NRG3: variants seen among roughly 807,000 people sequenced by gnomAD.
NRG3 encodes pro-neuregulin-3, membrane-bound isoform.
A neutral mutation model predicts 66.9 loss-of-function variants in NRG3; 31 were observed. The ratio of observed to expected loss-of-function variants is 0.46; its 90% CI spans 0.35 to 0.63. NRG3 has a LOEUF of 0.63. Among genes scored for constraint, NRG3 ranks in the 20% least tolerant of loss-of-function variants. NRG3 has a pLI of 0.00. For missense variants in NRG3, 910 were observed against 878.9 expected (o/e 1.04, Z -0.45); for synonymous variants, 393 against 359.4 (o/e 1.09, Z -1.06).
Position 82,946,210 on chromosome 10 carries a change from T to G in NRG3, c.1055-5259T>G, listed in dbSNP as rs1234709886. Among the ~76,000 whole-genome samples the G allele has an allele frequency of 2.0e-5, 3 of 147,684 alleles. No individual in the cohort carries two copies. The East Asian group carries it at 6.0e-4, about 29-fold the overall frequency. On this transcript the variant is annotated intron_variant, in intron 4 of 8. Transcript: ENST00000372141. Reference sequence around the variant, plus strand: ...GAACTAGTGACATTTAATTTGAGATTTAAAAAAAAAAAAAAAAAGTGGAGT... The same window carrying G: ...GAACTAGTGACATTTAATTTGAGATGTAAAAAAAAAAAAAAAAAGTGGAGT...
chr10:82,104,807 A>G (rs570356155), intron 1 of NRG3, among the ~76,000 whole-genome samples: 1 of 152,356 alleles, frequency 6.6e-6, no homozygotes, highest in Admixed American at 6.5e-5. Flanking sequence ...ATGTAAATTT[A>G]TACACATGTA....
At chr10:82,493,108 G>T (rs77523423) in intron 2 of NRG3, among the ~76,000 whole-genome samples, 10 of 145,990 alleles carry the variant, frequency 6.8e-5, no homozygotes, top group Admixed American at 1.4e-4. Context: ...GTTCAGGTTT[G>T]TTTTTTTTTT....
At chr10:82,122,040 A>G (rs544572943) in intron 1 of NRG3, among the ~76,000 whole-genome samples, 14 of 152,116 alleles carry the variant, frequency 9.2e-5, no homozygotes, top group Non-Finnish European at 2.1e-4. Flanking sequence ...TGAGTAAGTC[A>G]TTCTCAAGGT....
chr10:82,942,934 A>C (rs776521599), intron 4 of NRG3, among the ~76,000 whole-genome samples: 2 of 152,154 alleles, frequency 1.3e-5, no homozygotes, highest in Non-Finnish European at 2.9e-5. Context: ...TGAGAAATAT[A>C]GTTACCAAGA....
chr10:82,150,530 C>CAAAAAAAA (rs1188955647), intron 1 of NRG3, among the ~76,000 whole-genome samples: 1 of 26,680 alleles, frequency 3.7e-5, no homozygotes, highest in Non-Finnish European at 7.4e-5. Context: ...AGAGCACACA[C>CAAAAAAAA]AAAAAAAAAA....
At chr10:82,740,823 CAAAA>C (rs56944502) in intron 3 of NRG3, among the ~76,000 whole-genome samples, 58 of 118,324 alleles carry the variant, frequency 4.9e-4, no homozygotes, top group African/African-American at 1.8e-3. Flanking sequence ...GACTCTGTCT[CAAAA>C]AAAAAAAAAA....
At chr10:82,334,645 A>C (rs2082299017) in intron 1 of NRG3, among the ~76,000 whole-genome samples, 1 of 152,210 alleles carries the variant, frequency 6.6e-6, no homozygotes, top group Non-Finnish European at 1.5e-5. Context: ...TTGGGGATAT[A>C]TAAGTATTTG....
At chr10:81,967,113 T>C (rs2133335373) in intron 1 of NRG3, among the ~76,000 whole-genome samples, 1 of 152,008 alleles carries the variant, frequency 6.6e-6, no homozygotes, top group East Asian at 1.9e-4. Flanking sequence ...ATTTATATTT[T>C]AATAGGTCCC....
intron 1 of NRG3, among the ~76,000 whole-genome samples, chr10:82,133,050 A>G (rs1310451448): frequency 1.3e-5 from 2 of 151,402 alleles, no homozygotes; most frequent in African/African-American, 2.4e-5. Context: ...TTTTATTTCA[A>G]TTTTATTTAT....
intron 1 of NRG3, among the ~76,000 whole-genome samples, chr10:82,349,203 C>A (rs1012754172): frequency 6.7e-6 from 1 of 150,268 alleles, no homozygotes; most frequent in African/African-American, 2.4e-5. Flanking sequence ...GTTTTATCTA[C>A]TTTTGGTCTT....
chr10:82,425,794 G>T (rs562689022), intron 2 of NRG3, among the ~76,000 whole-genome samples: 6 of 152,114 alleles, frequency 3.9e-5, no homozygotes, highest in African/African-American at 1.4e-4. Context: ...TTGTGTTTGA[G>T]TCTTGCCTGT....
chr10:82,473,836 G>C (rs1357497736), intron 2 of NRG3, among the ~76,000 whole-genome samples: 1 of 152,176 alleles, frequency 6.6e-6, no homozygotes, highest in African/African-American at 2.4e-5. Flanking sequence ...ATGGGAAGCA[G>C]TGGTGATGCC....
chr10:81,928,244 C>T (rs1248136944), intron 1 of NRG3, among the ~76,000 whole-genome samples: 1 of 152,122 alleles, frequency 6.6e-6, no homozygotes, highest in African/African-American at 2.4e-5. Flanking sequence ...TTGTCCTTAA[C>T]CCCAGCAGCA....
intron 1 of NRG3, among the ~76,000 whole-genome samples, chr10:82,018,003 A>C (rs2132707547): frequency 6.6e-6 from 1 of 152,130 alleles, no homozygotes; most frequent in South Asian, 2.1e-4. Flanking sequence ...TTTAGACGTG[A>C]ATTTCTTGCC....
At chr10:82,484,377 T>A (rs1486278625) in intron 2 of NRG3, among the ~76,000 whole-genome samples, 2 of 152,200 alleles carry the variant, frequency 1.3e-5, no homozygotes, top group Non-Finnish European at 2.9e-5. Context: ...AAATAGGAGA[T>A]TATAATAGCT....
intron 1 of NRG3, among the ~76,000 whole-genome samples, chr10:82,162,541 A>G (rs573660199): frequency 5.3e-5 from 8 of 152,254 alleles, no homozygotes; most frequent in African/African-American, 1.9e-4. Flanking sequence ...TGGGCAGAGT[A>G]AATCTTTCTA....
chr10:81,876,514 A>G (rs1316690267), intron 1 of NRG3, among the ~76,000 whole-genome samples: 1 of 152,148 alleles, frequency 6.6e-6, no homozygotes, highest in African/African-American at 2.4e-5. Context: ...ATCCCGCTCC[A>G]GTAGAGGGCC....
chr10:82,904,991 G>T, intron 4 of NRG3, among the ~76,000 whole-genome samples: 1 of 152,064 alleles, frequency 6.6e-6, no homozygotes, highest in Admixed American at 6.5e-5. Context: ...CCTGACAAGT[G>T]TGGATTTTTC....
At chr10:82,307,120 G>A (rs1002951832) in intron 1 of NRG3, among the ~76,000 whole-genome samples, 22 of 151,802 alleles carry the variant, frequency 1.4e-4, no homozygotes, top group African/African-American at 3.9e-4. Context: ...GTTAATATCC[G>A]ATAGGCACAT....
Sources: gnomAD v4.1 joint callset for allele counts (sites outside exome capture counted in the v4.1 genomes callset) on GRCh38, gnomAD v4.1.1 for gene constraint, MANE v1.5 for transcripts, NCBI Gene and HGNC (gene_info 2026-07-23, HGNC 2026-07-21) for gene names.